SGCZ: variants seen among roughly 807,000 people sequenced by gnomAD.
SGCZ encodes the protein sarcoglycan zeta.
In SGCZ, 40 loss-of-function variants were observed where a neutral mutation model predicts 41.3. That is an observed-to-expected ratio of 0.97 (90% confidence interval 0.75 to 1.26). The LOEUF is 1.26. Ranked by LOEUF, SGCZ falls within the 50% of genes most tolerant of loss-of-function variation. The pLI, the probability that SGCZ is intolerant of heterozygous loss-of-function variation, is 0.00. For missense variants in SGCZ, 552 were observed against 369.8 expected (o/e 1.49, Z -4.04); for synonymous variants, 206 against 137.5 (o/e 1.50, Z -3.49).
At chr8:14,376,353 A>C (rs1216183020) in intron 2 of SGCZ, among the ~76,000 whole-genome samples, 2 of 152,066 alleles carry the variant, frequency 1.3e-5, no homozygotes, top group East Asian at 1.9e-4. Context: ...AAAAAATACA[A>C]TGGAAAAATA....
chr8:14,754,675 T>A (rs1042545155), intron 1 of SGCZ, among the ~76,000 whole-genome samples: 4 of 152,180 alleles, frequency 2.6e-5, no homozygotes, highest in Non-Finnish European at 5.9e-5. Context: ...AATTTGCACT[T>A]ATAAACCTCA....
intron 4 of SGCZ, among the ~76,000 whole-genome samples, chr8:14,230,115 C>G (rs1806508663): frequency 1.3e-5 from 2 of 152,028 alleles, no homozygotes; most frequent in Admixed American, 1.3e-4. Flanking sequence ...GGCATTTTGT[C>G]AGGATAATTG....
At chr8:14,776,651 G>T (rs1168742216) in intron 1 of SGCZ, among the ~76,000 whole-genome samples, 2 of 149,230 alleles carry the variant, frequency 1.3e-5, no homozygotes, top group East Asian at 4.0e-4. Flanking sequence ...CTACCACCAC[G>T]CCCAGCTAAT....
intron 3 of SGCZ, among the ~76,000 whole-genome samples, chr8:14,257,814 C>T (rs1478519589): frequency 1.3e-5 from 2 of 152,114 alleles, no homozygotes; most frequent in Non-Finnish European, 2.9e-5. Flanking sequence ...CCTTAGGAAG[C>T]TCTACATAAC....
At chr8:14,714,199 C>A (rs911571191) in intron 1 of SGCZ, among the ~76,000 whole-genome samples, 1 of 152,086 alleles carries the variant, frequency 6.6e-6, no homozygotes, top group African/African-American at 2.4e-5. Context: ...GAACTCCTGA[C>A]CTCCTGATCT....
intron 1 of SGCZ, among the ~76,000 whole-genome samples, chr8:15,072,962 T>A (rs1368073512): frequency 6.6e-6 from 1 of 152,176 alleles, no homozygotes; most frequent in Non-Finnish European, 1.5e-5. Flanking sequence ...TGTCTCATGC[T>A]GCTGGGAGTG....
intron 2 of SGCZ, among the ~76,000 whole-genome samples, chr8:14,394,775 A>C (rs2117227524): frequency 6.6e-6 from 1 of 152,302 alleles, no homozygotes; most frequent in Non-Finnish European, 1.5e-5. Flanking sequence ...TAATTGACAA[A>C]AAATCATGAA....
chr8:15,150,695 G>A (rs546735161), intron 1 of SGCZ, among the ~76,000 whole-genome samples: 1 of 152,286 alleles, frequency 6.6e-6, no homozygotes, highest in East Asian at 1.9e-4. Context: ...AAACAAAGAA[G>A]CTGACTTTTT....
At chr8:14,994,239 T>C (rs775306575) in intron 1 of SGCZ, among the ~76,000 whole-genome samples, 1 of 152,244 alleles carries the variant, frequency 6.6e-6, no homozygotes, top group Non-Finnish European at 1.5e-5. Context: ...CATCTTCATA[T>C]GTATCTCAAT....
chr8:14,348,210 C>T (rs1205945548), intron 2 of SGCZ, among the ~76,000 whole-genome samples: 1 of 152,094 alleles, frequency 6.6e-6, no homozygotes, highest in Non-Finnish European at 1.5e-5. Flanking sequence ...CTTTATCCTG[C>T]ACCACTCCTG....
At chr8:14,594,379 A>G (rs7812837) in intron 1 of SGCZ, among the ~76,000 whole-genome samples, 33,953 of 151,768 alleles carry the variant, frequency 0.22, 4,383 homozygotes, top group Non-Finnish European at 0.3. Context: ...AAAAAAAAAC[A>G]TGAAAACTGG....
At chr8:15,229,176 A>G (rs1262055717) in intron 1 of SGCZ, among the ~76,000 whole-genome samples, 2 of 152,204 alleles carry the variant, frequency 1.3e-5, no homozygotes, top group Non-Finnish European at 2.9e-5. Context: ...TGGACAACAG[A>G]GCAAGACTCC....
intron 2 of SGCZ, among the ~76,000 whole-genome samples, chr8:14,515,466 T>A (rs1381413466): frequency 2.6e-5 from 4 of 152,136 alleles, no homozygotes; most frequent in Non-Finnish European, 5.9e-5. Context: ...AACATAACAC[T>A]ATATCTTTAT....
chr8:14,089,334 G>C lies in SGCZ; in HGVS notation c.*1109C>G, dbSNP rs139495707. Among the ~76,000 whole-genome samples the C allele has an allele frequency of 6.9e-4, 105 of 151,982 alleles. No homozygotes were observed. Among genetic ancestry groups the C allele is most frequent in the African/African-American group, 2.5e-3 (102 of 41,516 alleles). ...TAGCATTTGTCATTTTTACTGTTTAGTCAAGAAATTTTAGTTAGCTTCTGA... is the reference window on the plus strand; with the variant it reads ...TAGCATTTGTCATTTTTACTGTTTACTCAAGAAATTTTAGTTAGCTTCTGA... On this transcript the variant is annotated 3_prime_UTR_variant, in exon 8 of 8. Transcript: ENST00000382080.
intron 5 of SGCZ, among the ~76,000 whole-genome samples, chr8:14,108,527 G>C (rs117507760): frequency 0.016 from 2,444 of 152,196 alleles, 25 homozygotes; most frequent in Non-Finnish European, 0.025. Flanking sequence ...AGACGCAAAA[G>C]CAGAAACCCC....
At chr8:14,649,821 G>T (rs1000380470) in intron 1 of SGCZ, among the ~76,000 whole-genome samples, 1 of 151,998 alleles carries the variant, frequency 6.6e-6, no homozygotes, top group Non-Finnish European at 1.5e-5. Context: ...TCCACCCAAG[G>T]CAGGGCAAAG....
At chr8:14,525,264 C>G (rs1802912478) in intron 2 of SGCZ, among the ~76,000 whole-genome samples, 2 of 152,030 alleles carry the variant, frequency 1.3e-5, no homozygotes, top group Admixed American at 1.3e-4. Flanking sequence ...CAGGTGAAAC[C>G]TGGAAATTCA....
chr8:14,424,567 T>C (rs1286898904), intron 2 of SGCZ, among the ~76,000 whole-genome samples: 1 of 152,182 alleles, frequency 6.6e-6, no homozygotes, highest in Non-Finnish European at 1.5e-5. Flanking sequence ...CATTATGTGT[T>C]TGGAACTACT....
At chr8:15,101,112 G>A (rs868768961) in intron 1 of SGCZ, among the ~76,000 whole-genome samples, 4 of 152,040 alleles carry the variant, frequency 2.6e-5, no homozygotes, top group African/African-American at 7.2e-5. Context: ...AACTCGAATC[G>A]TAGACCTAAC....
Sources: gnomAD v4.1 joint callset for allele counts (sites outside exome capture counted in the v4.1 genomes callset) on GRCh38, gnomAD v4.1.1 for gene constraint, MANE v1.5 for transcripts, NCBI Gene and HGNC (gene_info 2026-07-23, HGNC 2026-07-21) for gene names.